Variants in EEIG2 observed in about 807,000 individuals in gnomAD.
The protein encoded by EEIG2 is EEIG family member 2.
the EEIG2 span, among the ~76,000 whole-genome samples, chr1:108,595,795 A>G: frequency 6.6e-6 from 1 of 152,172 alleles, no homozygotes; most frequent in Non-Finnish European, 1.5e-5. Context: ...TAGCTTTTAC[A>G]TGCCTAATCG....
At chr1:108,583,531 A>G in the EEIG2 span, among the ~76,000 whole-genome samples, 21,238 of 151,746 alleles carry the variant, frequency 0.14, 2,258 homozygotes, top group African/African-American at 0.3. Flanking sequence ...CAATAATACT[A>G]TGCATATTCT....
chr1:108,631,072 G>C, the EEIG2 span: 225 of 333,450 alleles, frequency 6.7e-4, 4 homozygotes, highest in South Asian at 5.0e-3. Context: ...TACTTTCAGG[G>C]AGTAATGTGA....
the EEIG2 span, among the ~76,000 whole-genome samples, chr1:108,593,459 C>T: frequency 1.2e-4 from 19 of 152,248 alleles, no homozygotes; most frequent in Non-Finnish European, 1.5e-5. Flanking sequence ...TACTCCATCC[C>T]ATGCCTACCC....
chr1:108,639,054 A>G, the EEIG2 span: 1 of 151,748 alleles, frequency 6.6e-6, no homozygotes, highest in Non-Finnish European at 1.5e-5. Context: ...CCTTCCTCTC[A>G]TGTGTTTGAT....
At chr1:108,609,269 G>A in the EEIG2 span, among the ~76,000 whole-genome samples, 1 of 152,242 alleles carries the variant, frequency 6.6e-6, no homozygotes, top group African/African-American at 2.4e-5. Context: ...AGATACAGCA[G>A]TGAACAAAAC....
chr1:108,601,384 C>T, the EEIG2 span, among the ~76,000 whole-genome samples: 1 of 151,926 alleles, frequency 6.6e-6, no homozygotes, highest in Non-Finnish European at 1.5e-5. Context: ...AAGCAAGAGT[C>T]TCTGGCCTTG....
At chr1:108,560,615 G>T in the EEIG2 span, 2 of 1,587,334 alleles carry the variant, frequency 1.3e-6, no homozygotes, top group East Asian at 2.3e-5. Context: ...GCCAGGGCTT[G>T]TTGGATGGGC....
At chr1:108,574,911 CTTAT>C in the EEIG2 span, among the ~76,000 whole-genome samples, 1 of 152,260 alleles carries the variant, frequency 6.6e-6, no homozygotes, top group African/African-American at 2.4e-5. Flanking sequence ...AAAGTTTTCT[CTTAT>C]TTAAACTTCA....
At chr1:108,571,515 G>A in the EEIG2 span, among the ~76,000 whole-genome samples, 1 of 152,084 alleles carries the variant, frequency 6.6e-6, no homozygotes, top group African/African-American at 2.4e-5. Flanking sequence ...CAGAACAGTA[G>A]GACAGAGAAG....
chr1:108,610,758 AT>A, the EEIG2 span, among the ~76,000 whole-genome samples: 1 of 152,120 alleles, frequency 6.6e-6, no homozygotes, highest in Non-Finnish European at 1.5e-5. Context: ...GTGAAATCCC[AT>A]CTCTACTAAA....
the EEIG2 span, among the ~76,000 whole-genome samples, chr1:108,623,952 G>A: frequency 2.0e-5 from 3 of 151,996 alleles, no homozygotes; most frequent in Non-Finnish European, 4.4e-5. Context: ...GATTACAGGC[G>A]TGAGCCACTG....
At chr1:108,612,515 C>T in the EEIG2 span, among the ~76,000 whole-genome samples, 517 of 152,220 alleles carry the variant, frequency 3.4e-3, 4 homozygotes, top group African/African-American at 0.012. Context: ...TTTTCTTTGA[C>T]GTTTGAGCAT....
At chr1:108,632,684 T>C in the EEIG2 span, among the ~76,000 whole-genome samples, 2 of 152,144 alleles carry the variant, frequency 1.3e-5, no homozygotes, top group Non-Finnish European at 2.9e-5. Flanking sequence ...TGCTGAAAAG[T>C]AGGAATAACC....
chr1:108,573,425 T>C, the EEIG2 span, among the ~76,000 whole-genome samples: 23 of 152,272 alleles, frequency 1.5e-4, no homozygotes, highest in South Asian at 1.9e-3. Context: ...TACACAACCC[T>C]TGAAAAACTA....
At chr1:108,587,020 T>C in the EEIG2 span, among the ~76,000 whole-genome samples, 1 of 152,164 alleles carries the variant, frequency 6.6e-6, no homozygotes, top group African/African-American at 2.4e-5. Context: ...AACTTGTAAT[T>C]CATTTTTCAT....
At chr1:108,621,052 C>A in the EEIG2 span, among the ~76,000 whole-genome samples, 1 of 150,660 alleles carries the variant, frequency 6.6e-6, no homozygotes, top group Admixed American at 6.6e-5. Context: ...GAAAACTGTG[C>A]ACAAGTTTAT....
At chr1:108,579,382 G>A in the EEIG2 span, among the ~76,000 whole-genome samples, 21 of 141,590 alleles carry the variant, frequency 1.5e-4, no homozygotes, top group Middle Eastern at 3.5e-3. Context: ...TTCAACAAGA[G>A]GAGCTAACTA....
chr1:108,596,770 G>A, the EEIG2 span, among the ~76,000 whole-genome samples: 1 of 149,362 alleles, frequency 6.7e-6, no homozygotes, highest in Non-Finnish European at 1.5e-5. Flanking sequence ...ACTGTATCTT[G>A]CTCTGTCACC....
the EEIG2 span, among the ~76,000 whole-genome samples, chr1:108,594,639 G>A: frequency 3.9e-5 from 6 of 152,166 alleles, no homozygotes; most frequent in Non-Finnish European, 7.3e-5. Flanking sequence ...AACAATGCCT[G>A]TAATAATAAT....
Sources: gnomAD v4.1 joint callset for allele counts (sites outside exome capture counted in the v4.1 genomes callset) on GRCh38, gnomAD v4.1.1 for gene constraint, MANE v1.5 for transcripts, NCBI Gene and HGNC (gene_info 2026-07-23, HGNC 2026-07-21) for gene names.